The following DNASE1 variants were observed in gnomAD, a reference collection of about 807,000 sequenced individuals.
DNASE1 encodes deoxyribonuclease-1.
In DNASE1, 40 loss-of-function variants were observed where a neutral mutation model predicts 33.9. That is an observed-to-expected ratio of 1.18 (90% CI 0.92 to 1.54). DNASE1 has a LOEUF of 1.54. Among genes scored for constraint, DNASE1 ranks in the 40% most tolerant of loss-of-function variants. The pLI is 0.00. For missense variants in DNASE1, 518 were observed against 372.6 expected (o/e 1.39, Z -3.21); for synonymous variants, 216 against 160.0 (o/e 1.35, Z -2.64).
intron 1 of DNASE1, among the ~76,000 whole-genome samples, chr16:3,637,034 G>A (rs2041888740): frequency 6.6e-6 from 1 of 152,068 alleles, no homozygotes; most frequent in Non-Finnish European, 1.5e-5. Flanking sequence ...TGAGGCAGGA[G>A]AATCGCTTGA....
intron 1 of DNASE1, among the ~76,000 whole-genome samples, chr16:3,621,031 C>T (rs1387047110): frequency 6.6e-6 from 1 of 152,134 alleles, no homozygotes; most frequent in Non-Finnish European, 1.5e-5. Context: ...AACTCCTGAC[C>T]TCGTGATCCA....
intron 1 of DNASE1, among the ~76,000 whole-genome samples, chr16:3,612,862 C>T (rs960555634): frequency 7.2e-5 from 11 of 152,104 alleles, no homozygotes; most frequent in Non-Finnish European, 1.5e-4. Context: ...ATAGTCAAGA[C>T]GCAGTTGTTA....
intron 1 of DNASE1, among the ~76,000 whole-genome samples, chr16:3,633,449 A>T (rs1032094173): frequency 1.3e-5 from 2 of 152,078 alleles, no homozygotes; most frequent in Non-Finnish European, 2.9e-5. Context: ...TCTACTAAAA[A>T]TACAAAAAAT....
chr16:3,658,804 G>C (rs1174037658), downstream of DNASE1: 13 of 1,613,810 alleles, frequency 8.1e-6, no homozygotes, highest in Non-Finnish European at 1.1e-5. Flanking sequence ...TGATCCACCA[G>C]CAGCTGAGCC....
At chr16:3,657,472 G>A (rs1028155818) in intron 7 of DNASE1, 131 bp downstream of exon 7, 1 of 1,347,480 alleles carries the variant, frequency 7.4e-7, no homozygotes, top group African/African-American at 1.5e-5. Context: ...TCCACTACAG[G>A]GAACAGAATA....
chr16:3,647,799 T>C (rs1250171915), intron 1 of DNASE1, among the ~76,000 whole-genome samples: 3 of 151,400 alleles, frequency 2.0e-5, no homozygotes, highest in African/African-American at 7.3e-5. Flanking sequence ...AACCCAGGAG[T>C]TGGAAAGCAG....
chr16:3,658,527 C>T (rs1312840135), downstream of DNASE1: 2 of 566,664 alleles, frequency 3.5e-6, no homozygotes, highest in South Asian at 4.3e-5. Flanking sequence ...TACTAAAATA[C>T]AAAATTAGCC....
upstream of DNASE1, chr16:3,641,140 C>T (rs2042012833): frequency 2.5e-6 from 1 of 394,928 alleles, no homozygotes; most frequent in Non-Finnish European, 4.5e-6. Context: ...CCAGCATGGC[C>T]CTGCTGCAGC....
intron 1 of DNASE1, among the ~76,000 whole-genome samples, chr16:3,635,431 C>T (rs1452013110): frequency 4.9e-5 from 7 of 141,698 alleles, no homozygotes; most frequent in Non-Finnish European, 9.0e-5. Context: ...GCACCCCAGC[C>T]TGGGTGACAG....
At position 3,655,423 on chromosome 16, in the gene DNASE1, T is replaced by C; in HGVS notation, c.50T>C (p.Leu17Pro). Residue 17 changes from leucine (L) to proline (P), a missense_variant, in exon 2 of 9, where the codon CTG becomes CCG. Transcript: ENST00000246949. ...LGALLALAAL[L>P]QGAVSLKIAA... ...GCGCTGCTGGCACTGGCGGCCCTACTGCAGGGGGCCGTGTCCCTGAAGATC... is the reference window on the plus strand; with the variant it reads ...GCGCTGCTGGCACTGGCGGCCCTACCGCAGGGGGCCGTGTCCCTGAAGATC... 6.2e-7 allele frequency: 1 copy of C among 1,614,060 alleles called. No individual in the cohort carries two copies. The highest frequency in any genetic ancestry group is 8.5e-7 in the Non-Finnish European group (1 of 1,180,010).
At chr16:3,658,912 G>A (rs778075875), downstream of DNASE1, 11 of 1,589,842 alleles carry the variant, frequency 6.9e-6, no homozygotes, top group African/African-American at 5.4e-5. Flanking sequence ...ACCACGTGCT[G>A]TGACCCTCCC....
downstream of DNASE1, chr16:3,661,348 G>C (rs369105019): frequency 6.6e-6 from 1 of 151,930 alleles, no homozygotes; most frequent in Non-Finnish European, 1.5e-5. Context: ...GAAGAAACGA[G>C]GGAAATCTTA....
At chr16:3,663,527 G>A (rs1567222709) in exon 10 of DNASE1, 19 of 1,614,074 alleles carry the variant, frequency 1.2e-5, no homozygotes, top group East Asian at 4.5e-5. Flanking sequence ...GGTGCAGCAG[G>A]GTGAGCTCAT....
At position 3,657,680 on chromosome 16, in the gene DNASE1, G is replaced by A. The variant is rs200950396; in HGVS notation, c.705-40G>A. ...TGCGGGTGCTGAGCCAGGCCCATGT[G>A]TGAAAGGGGAACCTACTTTCTCTTC... On this transcript the variant is annotated intron_variant, in intron 7 of 8. Coordinates refer to ENST00000246949, the MANE Select transcript of DNASE1 (RefSeq NM_005223.4). 199 of 1,611,992 alleles carry A rather than the reference G, an allele frequency of 1.2e-4. 1 individual carries two copies. In the South Asian group the frequency reaches 2.0e-3, roughly 17 times the overall value.
intron 1 of DNASE1, among the ~76,000 whole-genome samples, chr16:3,616,485 G>A (rs1001140667): frequency 5.4e-5 from 7 of 129,764 alleles, no homozygotes; most frequent in African/African-American, 2.1e-4. Flanking sequence ...GCCGGATGTG[G>A]TGGCAGGTAC....
In DNASE1 at chr16:3,654,815, C is replaced by G; in HGVS notation, c.-231C>G. 2.5e-6 allele frequency: 1 copy of G among 403,492 alleles called. No homozygotes were observed. The highest frequency in any genetic ancestry group is 4.4e-6 in the Non-Finnish European group (1 of 229,440). The allele number at this position is 403,492 out of a possible 1,614,324, so 25.0% of individuals were successfully genotyped here. A position where few individuals can be genotyped will look rare whatever the true frequency, so the allele number is the denominator to read the frequency against. The stretch of plus-strand genomic sequence containing the variant: ...TCTCAGGTGACGGCTCACATTTGCC[C>G]CAGGGAAGGTCACAGCTGCCTGAAC... On this transcript the variant is annotated 5_prime_UTR_variant, in exon 1 of 9. Transcript: ENST00000246949.
At chr16:3,658,705 T>TTAGAGGA, downstream of DNASE1, 2 of 1,267,152 alleles carry the variant, frequency 1.6e-6, no homozygotes, top group Non-Finnish European at 2.2e-6. Context: ...AGACAGGATT[T>TTAGAGGA]TAGAGGAAAC....
Position 3,657,322 on chromosome 16 carries a change from A to C in DNASE1, c.685A>C (p.Thr229Pro). The C allele has an allele frequency of 6.2e-7, 1 of 1,613,498 alleles. No individual in the cohort carries two copies. Residue 229 changes from threonine to proline, a missense_variant, in exon 7 of 9, where the codon ACG becomes CCG. Physicochemically the swap from Thr to Pro is conservative, Grantham distance 38. Coordinates refer to ENST00000246949, the MANE Select transcript of DNASE1 (RefSeq NM_005223.4). ...PDSADTTATP[T>P]HCAYDRIVVA... ...CAGCGCTGACACCACAGCTACACCC[A>C]CGCACTGTGCCTATGACAGGTGAGC... is the stretch of plus-strand genomic sequence containing the variant.
At chr16:3,626,771 T>G (rs112607593) in intron 1 of DNASE1, among the ~76,000 whole-genome samples, 44 of 152,354 alleles carry the variant, frequency 2.9e-4, no homozygotes, top group African/African-American at 1.0e-3. Flanking sequence ...TTTGTTTCAT[T>G]TATTTTGAAT....
Sources: allele counts gnomAD v4.1 joint callset (sites outside exome capture counted in the v4.1 genomes callset), GRCh38; gene constraint gnomAD v4.1.1; transcripts MANE v1.5; gene names NCBI Gene and HGNC (gene_info 2026-07-23, HGNC 2026-07-21).